The following CHD9NB variants were observed in gnomAD, a reference collection of about 807,000 sequenced individuals.
The protein encoded by CHD9NB is CHD9 neighbor.
At chr16:53,039,473 C>CA in the CHD9NB span, among the ~76,000 whole-genome samples, 1 of 152,208 alleles carries the variant, frequency 6.6e-6, no homozygotes, top group Non-Finnish European at 1.5e-5. Flanking sequence ...AGGCTGGGCG[C>CA]AGTGGCTCAC....
At chr16:53,039,849 T>C in the CHD9NB span, among the ~76,000 whole-genome samples, 1 of 151,998 alleles carries the variant, frequency 6.6e-6, no homozygotes, top group South Asian at 2.1e-4. Context: ...CAGGCTGACG[T>C]TGAAGAATGG....
the CHD9NB span, among the ~76,000 whole-genome samples, chr16:53,036,200 A>G: frequency 9.9e-5 from 15 of 152,192 alleles, no homozygotes; most frequent in Admixed American, 9.2e-4. Context: ...AACTTGGGCA[A>G]TTCATGCAAC....
chr16:53,051,536 G>A, the CHD9NB span, among the ~76,000 whole-genome samples: 706 of 147,404 alleles, frequency 4.8e-3, 2 homozygotes, highest in Admixed American at 8.5e-3. Flanking sequence ...ACCAAACACC[G>A]CATGTTCTCA....
At chr16:53,049,492 C>A in the CHD9NB span, among the ~76,000 whole-genome samples, 96,802 of 152,006 alleles carry the variant, frequency 0.64, 31,312 homozygotes, top group Non-Finnish European at 0.68. Context: ...ACTCCTGATT[C>A]AGGGGCATAG....
the CHD9NB span, chr16:53,043,710 C>T: frequency 1.2e-5 from 3 of 253,518 alleles, no homozygotes; most frequent in Non-Finnish European, 1.5e-5. Context: ...ACAGTCTGCT[C>T]TGAGGCTTGT....
the CHD9NB span, among the ~76,000 whole-genome samples, chr16:53,049,147 C>A: frequency 2.0e-5 from 3 of 152,112 alleles, no homozygotes; most frequent in Non-Finnish European, 2.9e-5. Context: ...GCATGAGCCA[C>A]TGGGCCCGGC....
chr16:53,047,465 G>T, the CHD9NB span, among the ~76,000 whole-genome samples: 2 of 152,178 alleles, frequency 1.3e-5, no homozygotes, highest in East Asian at 3.9e-4. Flanking sequence ...CAAAGTTCAG[G>T]TTCTGGTGTG....
At chr16:53,051,065 T>G in the CHD9NB span, among the ~76,000 whole-genome samples, 1 of 152,074 alleles carries the variant, frequency 6.6e-6, no homozygotes, top group Non-Finnish European at 1.5e-5. Context: ...TTTTTTGTAT[T>G]TTTAGTAGAG....
At chr16:53,046,798 ACT>A in the CHD9NB span, among the ~76,000 whole-genome samples, 3 of 151,966 alleles carry the variant, frequency 2.0e-5, no homozygotes, top group East Asian at 5.8e-4. Flanking sequence ...AAAAATGTGG[ACT>A]CCTTGTTCGA....
At chr16:53,051,710 T>C in the CHD9NB span, among the ~76,000 whole-genome samples, 1 of 149,098 alleles carries the variant, frequency 6.7e-6, no homozygotes, top group African/African-American at 2.5e-5. Flanking sequence ...ATGGCACATG[T>C]ATACATATGT....
the CHD9NB span, among the ~76,000 whole-genome samples, chr16:53,037,072 A>T: frequency 1.3e-5 from 2 of 151,984 alleles, no homozygotes; most frequent in Non-Finnish European, 2.9e-5. Flanking sequence ...AGTAGCTGGG[A>T]TTACAGGCAC....
chr16:53,038,706 G>T, the CHD9NB span, among the ~76,000 whole-genome samples: 20 of 152,294 alleles, frequency 1.3e-4, no homozygotes, highest in African/African-American at 3.9e-4. Flanking sequence ...CAACAACGGG[G>T]TTTTATTGTA....
At chr16:53,042,510 C>T in the CHD9NB span, among the ~76,000 whole-genome samples, 1 of 148,566 alleles carries the variant, frequency 6.7e-6, no homozygotes. Flanking sequence ...TTCCCCCCTC[C>T]TCTCCCTCCT....
At chr16:53,046,479 C>A in the CHD9NB span, among the ~76,000 whole-genome samples, 1 of 151,016 alleles carries the variant, frequency 6.6e-6, no homozygotes, top group Non-Finnish European at 1.5e-5. Flanking sequence ...GAGCTCAAGA[C>A]CGGCCTGGCA....
the CHD9NB span, among the ~76,000 whole-genome samples, chr16:53,041,813 G>A: frequency 6.6e-6 from 1 of 151,998 alleles, no homozygotes; most frequent in Non-Finnish European, 1.5e-5. Context: ...AGTTCCCAGA[G>A]CTTGGCCTAT....
the CHD9NB span, chr16:53,044,225 C>T: frequency 2.5e-6 from 1 of 398,270 alleles, no homozygotes; most frequent in African/African-American, 2.1e-5. Context: ...GTGCCTTCCT[C>T]CTTGGGGGCC....
At chr16:53,052,123 A>T in the CHD9NB span, among the ~76,000 whole-genome samples, 1 of 151,620 alleles carries the variant, frequency 6.6e-6, no homozygotes, top group Admixed American at 6.6e-5. Context: ...TTGTGTCTAT[A>T]ATCCCAGCTA....
the CHD9NB span, among the ~76,000 whole-genome samples, chr16:53,037,501 G>T: frequency 6.6e-6 from 1 of 152,158 alleles, no homozygotes; most frequent in African/African-American, 2.4e-5. Flanking sequence ...AAAAGAGAGA[G>T]GTTTTTAGGG....
the CHD9NB span, among the ~76,000 whole-genome samples, chr16:53,051,637 G>T: frequency 7.8e-6 from 1 of 127,462 alleles, no homozygotes; most frequent in Non-Finnish European, 1.6e-5. Context: ...GGGGAGGGGG[G>T]AGGGATAGCA....
Sources: gnomAD v4.1 joint callset for allele counts (sites outside exome capture counted in the v4.1 genomes callset) on GRCh38, gnomAD v4.1.1 for gene constraint, MANE v1.5 for transcripts, NCBI Gene and HGNC (gene_info 2026-07-23, HGNC 2026-07-21) for gene names.